The following SMIM1 variants were observed in gnomAD, a reference collection of about 807,000 sequenced individuals.
SMIM1 encodes small integral membrane protein 1 (Vel blood group).
In SMIM1, 7 loss-of-function variants were observed where a neutral mutation model predicts 7.7. The observed-to-expected ratio is 0.91, with a 90% CI of 0.52 to 1.71. SMIM1 has a LOEUF of 1.71. Ranked by LOEUF, SMIM1 falls within the 40% of genes most tolerant of loss-of-function variation. The probability of loss-of-function intolerance (pLI) is 0.00; values close to 1 mark genes in which losing one functional copy is unlikely to be tolerated. For synonymous variants in SMIM1, 41 were observed against 42.7 expected (o/e 0.96, Z 0.16); for missense variants, 95 against 102.8 (o/e 0.92, Z 0.33).
At position 3,774,531 on chromosome 1, in the gene SMIM1, C is replaced by T. The variant is rs562396414; in HGVS notation, c.-75-768C>T. Among the ~76,000 whole-genome samples the T allele has an allele frequency of 3.3e-3, 509 of 152,298 alleles. 2 individuals carry two copies. The highest frequency in any genetic ancestry group is 6.0e-3 in the Non-Finnish European group (411 of 68,012). On this transcript the variant is annotated intron_variant, in intron 2 of 3. Transcript: ENST00000642557. ...GGCTGCCAGGCACCGAGCTGAGTGC[C>T]GAGATGCAAAGATGAGTCCCAGGTC...
intron 2 of SMIM1, among the ~76,000 whole-genome samples, chr1:3,773,963 C>T (rs983268880): frequency 6.6e-6 from 1 of 152,184 alleles, no homozygotes; most frequent in African/African-American, 2.4e-5. Flanking sequence ...TGAGCCAGGG[C>T]TCCCACCGAA....
chr1:3,775,449 G>A lies in SMIM1; in HGVS notation c.76G>A (p.Val26Met), dbSNP rs755066109. 4 of 1,512,068 alleles carry A rather than the reference G, an allele frequency of 2.6e-6. No homozygotes were observed. In the South Asian group the frequency reaches 4.8e-5, roughly 18 times the overall value. The allele number at this position is 1,512,068 out of a possible 1,614,324, so 93.7% of individuals were successfully genotyped here. A position where few individuals can be genotyped will look rare whatever the true frequency, so the allele number is the denominator to read the frequency against. ...CAGGGACGGAGTCAGCCTAGGGGCTGTGTCCAGCACAGAAGAGGCCTCACG... is the reference window on the plus strand; with the variant it reads ...CAGGGACGGAGTCAGCCTAGGGGCTATGTCCAGCACAGAAGAGGCCTCACG... The part of the protein sequence containing the change: ...GSRDGVSLGA[V>M]SSTEEASRCR... Residue 26 changes from valine (V) to methionine (M), a missense_variant, in exon 3 of 4, where the codon GTG becomes ATG. Transcript: ENST00000642557. The surrounding 1 kb of genome is among the most constrained non-coding windows in gnomAD (Gnocchi z 5.3).
chr1:3,775,581 C>T lies in SMIM1; in HGVS notation c.110+98C>T, dbSNP rs1643446084. On this transcript the variant is annotated intron_variant, in intron 3 of 3. Coordinates refer to ENST00000642557, the MANE Select transcript of SMIM1 (RefSeq NM_001288583.2). The surrounding 1 kb of genome is among the most constrained non-coding windows in gnomAD (Gnocchi z 5.3). The stretch of plus-strand genomic sequence containing the variant: ...CTGCTACCGGCCCCATCACCCTCCA[C>T]CCCATCCTGGCTGGGAGCCCACGGT... 7.7e-7 allele frequency: 1 copy of T among 1,299,120 alleles called. No individual in the cohort carries two copies. Among genetic ancestry groups the T allele is most frequent in the Non-Finnish European group, 1.0e-6 (1 of 953,450 alleles). 80.5% of individuals were successfully genotyped at this position (1,299,120 alleles called of 1,614,324 possible).
chr1:3,774,094 G>C (rs1643422245), intron 2 of SMIM1, among the ~76,000 whole-genome samples: 1 of 152,210 alleles, frequency 6.6e-6, no homozygotes, highest in African/African-American at 2.4e-5. Flanking sequence ...CTGGCTTCTT[G>C]CAGGGGAGTG....
chr1:3,775,412 G>A lies in SMIM1; in HGVS notation c.39G>A (p.Trp13Ter). Residue 13 changes from tryptophan to a stop codon, truncating the protein, a stop_gained, in exon 3 of 4, where the codon TGG becomes TGA. Coordinates refer to ENST00000642557, the MANE Select transcript of SMIM1 (RefSeq NM_001288583.2). LOFTEE classifies it high-confidence loss of function. The surrounding 1 kb of genome is among the most constrained non-coding windows in gnomAD (Gnocchi z 5.3). ...AGAGCCACGTCCACTATAGTAGGTG[G>A]GAGGACGGCAGCAGGGACGGAGTCA... ...PQESHVHYSR[W>*]EDGSRDGVSL... The A allele has an allele frequency of 6.4e-7, 1 of 1,550,614 alleles. No homozygotes were observed. Among genetic ancestry groups the A allele is most frequent in the Non-Finnish European group, 8.7e-7 (1 of 1,146,820 alleles).
Sources: allele counts gnomAD v4.1 joint callset (sites outside exome capture counted in the v4.1 genomes callset), GRCh38; gene constraint gnomAD v4.1.1; non-coding constraint Gnocchi (gnomAD v3.1); transcripts MANE v1.5; gene names NCBI Gene and HGNC (gene_info 2026-07-23, HGNC 2026-07-21).